Variants in PGPEP1L observed in about 807,000 individuals in gnomAD.
PGPEP1L encodes pyroglutamyl-peptidase 1-like protein.
In PGPEP1L, 7 loss-of-function variants were observed where a neutral mutation model predicts 6.0. The observed-to-expected ratio is 1.17, with a 90% CI of 0.66 to 2.19. The LOEUF is 2.19. Ranked by LOEUF, PGPEP1L falls within the 30% of genes most tolerant of loss-of-function variation. The probability of loss-of-function intolerance (pLI) is 0.00; values close to 1 mark genes in which losing one functional copy is unlikely to be tolerated. For synonymous variants in PGPEP1L, 103 were observed against 83.9 expected (o/e 1.23, Z -1.24); for missense variants, 209 against 192.5 (o/e 1.09, Z -0.51).
At chr15:98,980,978 C>T (rs1324882057) in intron 2 of PGPEP1L, among the ~76,000 whole-genome samples, 2 of 151,602 alleles carry the variant, frequency 1.3e-5, no homozygotes, top group African/African-American at 4.9e-5. Flanking sequence ...AGAGGCCTGA[C>T]AAACACTCCC....
rs764040152 is a variant in PGPEP1L at position 98,968,679 on chromosome 15, G to C, written c.228C>G (p.Thr76=). 6.4e-7 allele frequency: 1 copy of C among 1,574,284 alleles called. No individual in the cohort carries two copies. The highest frequency in any genetic ancestry group is 8.6e-7 in the Non-Finnish European group (1 of 1,159,500). ...TTCCATGATGCAGAGACAGGTAATA[G>C]GTATAATCACAGACGTATCTGCAAC... The part of the protein sequence containing the change: ...RDAGRYVCDY[T]YYLSLHHGKG... The change falls in exon 5 of 5, where the codon ACC becomes ACG. Residue 76 remains threonine, a synonymous_variant. Transcript: ENST00000535714.
At chr15:98,989,269 C>G (rs2017788131) in intron 2 of PGPEP1L, among the ~76,000 whole-genome samples, 1 of 152,052 alleles carries the variant, frequency 6.6e-6, no homozygotes, top group African/African-American at 2.4e-5. Flanking sequence ...ACTAGAATAA[C>G]CAGTTTAGAG....
intron 2 of PGPEP1L, among the ~76,000 whole-genome samples, chr15:98,975,813 G>A (rs1165163191): frequency 5.3e-5 from 8 of 152,098 alleles, no homozygotes; most frequent in African/African-American, 9.7e-5. Flanking sequence ...CCCAGGAGGC[G>A]GAGGTTGCAG....
At position 98,997,507 on chromosome 15, in the gene PGPEP1L, G is replaced by C. The variant is rs559529967; in HGVS notation, c.-142+7922C>G. Among the ~76,000 whole-genome samples, 7 of 152,308 alleles carry C rather than the reference G, an allele frequency of 4.6e-5. No homozygotes were observed. In the South Asian group the frequency reaches 1.2e-3, roughly 27 times the overall value. On this transcript the variant is annotated intron_variant, in intron 2 of 4. Transcript: ENST00000535714. ...GACAGCTGTATGGGGACAGAGAGCA[G>C]ACAAGTGCCCCAAGGAGAAGAGGCA... is the stretch of plus-strand genomic sequence containing the variant.
chr15:98,991,993 T>C (rs181558083), intron 2 of PGPEP1L, among the ~76,000 whole-genome samples: 114 of 152,274 alleles, frequency 7.5e-4, no homozygotes, highest in African/African-American at 2.7e-3. Flanking sequence ...ACAGCCAATA[T>C]CATACTGAAT....
At chr15:98,993,721 T>C (rs1457682979) in intron 2 of PGPEP1L, among the ~76,000 whole-genome samples, 5 of 152,086 alleles carry the variant, frequency 3.3e-5, no homozygotes, top group Non-Finnish European at 7.4e-5. Context: ...ATACCTAATA[T>C]AGATGATGGG....
chr15:98,985,229 T>C (rs1034953866), intron 2 of PGPEP1L, among the ~76,000 whole-genome samples: 2 of 152,082 alleles, frequency 1.3e-5, no homozygotes, highest in African/African-American at 4.8e-5. Context: ...CTTCTATCTC[T>C]TGATTTCTAC....
intron 2 of PGPEP1L, among the ~76,000 whole-genome samples, chr15:98,996,217 T>C (rs1374124770): frequency 6.6e-6 from 1 of 152,246 alleles, no homozygotes; most frequent in African/African-American, 2.4e-5. Flanking sequence ...TCTGTATATT[T>C]GGTGATCTTT....
intron 2 of PGPEP1L, among the ~76,000 whole-genome samples, chr15:98,987,853 G>T (rs2017769345): frequency 6.6e-6 from 1 of 152,066 alleles, no homozygotes; most frequent in Non-Finnish European, 1.5e-5. Context: ...AGCAGGGTGG[G>T]GCGCTGTCCC....
At chr15:98,974,418 A>G (rs2017540254) in intron 2 of PGPEP1L, among the ~76,000 whole-genome samples, 1 of 152,084 alleles carries the variant, frequency 6.6e-6, no homozygotes, top group South Asian at 2.1e-4. Flanking sequence ...ATTTCTGGAC[A>G]CATACAACCT....
intron 2 of PGPEP1L, among the ~76,000 whole-genome samples, chr15:98,984,752 C>T (rs567733701): frequency 1.1e-4 from 17 of 152,130 alleles, no homozygotes; most frequent in African/African-American, 3.6e-4. Context: ...CAGGATAGCC[C>T]AGGAAGAGAC....
chr15:98,975,911 T>A (rs1447666513), intron 2 of PGPEP1L, among the ~76,000 whole-genome samples: 4 of 151,364 alleles, frequency 2.6e-5, no homozygotes, highest in African/African-American at 9.8e-5. Context: ...TATGTACAAC[T>A]ATTATGTATT....
intron 2 of PGPEP1L, among the ~76,000 whole-genome samples, chr15:98,986,866 A>T (rs1186858147): frequency 6.6e-6 from 1 of 152,164 alleles, no homozygotes; most frequent in Non-Finnish European, 1.5e-5. Context: ...TAAATATGTC[A>T]GACTTAGAAG....
chr15:99,004,574 T>C (rs1180128521), intron 2 of PGPEP1L, among the ~76,000 whole-genome samples: 1 of 149,634 alleles, frequency 6.7e-6, no homozygotes, highest in African/African-American at 2.5e-5. Context: ...AAAAATTAGC[T>C]GGGCGTGGTG....
At chr15:99,001,608 C>T (rs1555473041) in intron 2 of PGPEP1L, among the ~76,000 whole-genome samples, 4 of 152,158 alleles carry the variant, frequency 2.6e-5, no homozygotes, top group Admixed American at 1.3e-4. Context: ...TTATAATGGA[C>T]TATTGATACA....
At chr15:98,989,678 G>A (rs918342994) in intron 2 of PGPEP1L, among the ~76,000 whole-genome samples, 79 of 152,258 alleles carry the variant, frequency 5.2e-4, no homozygotes, top group African/African-American at 1.9e-3. Context: ...ACACATAATT[G>A]TCAGATTCAC....
chr15:98,972,758 C>T (rs1212784470), intron 2 of PGPEP1L, among the ~76,000 whole-genome samples: 2 of 151,622 alleles, frequency 1.3e-5, no homozygotes, highest in Non-Finnish European at 2.9e-5. Flanking sequence ...GTAGTCCCAG[C>T]TACTCGGGAG....
At chr15:99,001,163 G>T (rs782553496) in intron 2 of PGPEP1L, 4 of 445,022 alleles carry the variant, frequency 9.0e-6, no homozygotes, top group Admixed American at 7.3e-5. Context: ...TGGACACGCC[G>T]CCTTTAAGAA....
intron 2 of PGPEP1L, among the ~76,000 whole-genome samples, chr15:99,001,884 A>G (rs1327783399): frequency 6.6e-6 from 1 of 152,138 alleles, no homozygotes; most frequent in African/African-American, 2.4e-5. Flanking sequence ...TGCCCAGCTA[A>G]TTTTTGTATT....
Sources: allele counts gnomAD v4.1 joint callset (sites outside exome capture counted in the v4.1 genomes callset), GRCh38; gene constraint gnomAD v4.1.1; transcripts MANE v1.5; gene names NCBI Gene and HGNC (gene_info 2026-07-23, HGNC 2026-07-21).